Variants in ALOX5 observed in about 807,000 individuals in gnomAD.
ALOX5 encodes the protein arachidonate 5-lipoxygenase, also known as polyunsaturated fatty acid 5-lipoxygenase.
In ALOX5, 64 loss-of-function variants were observed where a neutral mutation model predicts 87.9. The observed-to-expected ratio is 0.73, with a 90% confidence interval of 0.60 to 0.90. The LOEUF is 0.90. ALOX5 is among the 40% of genes least tolerant of loss of function. ALOX5 has a pLI of 0.00. For synonymous variants in ALOX5, 388 were observed against 355.1 expected, an observed-to-expected ratio of 1.09 and a Z score of -1.04; for missense variants, 822 against 907.5, an observed-to-expected ratio of 0.91 and a Z score of 1.21.
At chr10:45,386,141 A>T (rs1840000744) in intron 2 of ALOX5, among the ~76,000 whole-genome samples, 1 of 152,090 alleles carries the variant, frequency 6.6e-6, no homozygotes, top group African/African-American at 2.4e-5. Flanking sequence ...CTCTACTAAA[A>T]ATACAAAAAA....
intron 4 of ALOX5, among the ~76,000 whole-genome samples, chr10:45,420,612 C>A (rs932052826): frequency 6.6e-6 from 1 of 152,234 alleles, no homozygotes; most frequent in African/African-American, 2.4e-5. Flanking sequence ...CCGAGGAGGC[C>A]TTCCCCGTTA....
chr10:45,384,319 G>T (rs887333142), intron 2 of ALOX5, among the ~76,000 whole-genome samples: 5 of 152,218 alleles, frequency 3.3e-5, no homozygotes, highest in Admixed American at 6.5e-5. Flanking sequence ...GACAGCACAG[G>T]TTGGAGGGTG....
At chr10:45,400,143 C>G (rs1840648736) in intron 3 of ALOX5, among the ~76,000 whole-genome samples, 1 of 152,084 alleles carries the variant, frequency 6.6e-6, no homozygotes, top group African/African-American at 2.4e-5. Flanking sequence ...AGGCCTCTAC[C>G]CAAGAATATT....
At chr10:45,418,848 GC>G (rs1257145105) in intron 4 of ALOX5, among the ~76,000 whole-genome samples, 1 of 152,266 alleles carries the variant, frequency 6.6e-6, no homozygotes, top group African/African-American at 2.4e-5. Flanking sequence ...GGGTGGCAGG[GC>G]TGAAAAGACA....
chr10:45,399,951 TA>T (rs1840641614), intron 3 of ALOX5, among the ~76,000 whole-genome samples: 1 of 152,200 alleles, frequency 6.6e-6, no homozygotes, highest in Admixed American at 6.5e-5. Context: ...GATACAATTC[TA>T]ACCACTAAAA....
intron 7 of ALOX5, among the ~76,000 whole-genome samples, chr10:45,436,817 G>T (rs894926833): frequency 6.6e-6 from 1 of 152,006 alleles, no homozygotes; most frequent in African/African-American, 2.4e-5. Flanking sequence ...TAGGAATTGT[G>T]TTGTATCTGT....
intron 2 of ALOX5, among the ~76,000 whole-genome samples, chr10:45,392,629 T>C (rs1041275482): frequency 6.6e-6 from 1 of 151,902 alleles, no homozygotes; most frequent in African/African-American, 2.4e-5. Context: ...CTTGTTTATC[T>C]GCTGACCTTC....
rs375478224 is a variant in ALOX5 at position 45,385,761 on chromosome 10, C to T, written c.349+3080C>T. On this transcript the variant is annotated intron_variant, in intron 2 of 13. Coordinates refer to ENST00000374391, the MANE Select transcript of ALOX5 (RefSeq NM_000698.5). ...CTCCCCTCCTGGCTGGCTTTACATC[C>T]CCAGGGGAGGATGCAGAGGTATCCC... Among the ~76,000 whole-genome samples, 13 of 152,288 alleles carry T rather than the reference C, an allele frequency of 8.5e-5. 2 individuals carry two copies. Among genetic ancestry groups the T allele is most frequent in the Admixed American group, 2.6e-4 (4 of 15,296 alleles).
At chr10:45,442,905 C>G (rs1158867662) in intron 9 of ALOX5, 133 bp from the exon 10 acceptor site, 10 of 911,906 alleles carry the variant, frequency 1.1e-5, no homozygotes, top group Non-Finnish European at 1.6e-5. Context: ...CATCCCTCCC[C>G]CATCTCACAG....
At chr10:45,389,126 G>A (rs1840109604) in intron 2 of ALOX5, among the ~76,000 whole-genome samples, 1 of 152,184 alleles carries the variant, frequency 6.6e-6, no homozygotes, top group African/African-American at 2.4e-5. Flanking sequence ...AATGAAGCGA[G>A]AAGATAAGTT....
intron 4 of ALOX5, among the ~76,000 whole-genome samples, chr10:45,413,420 T>C: frequency 6.6e-6 from 1 of 152,170 alleles, no homozygotes; most frequent in Non-Finnish European, 1.5e-5. Context: ...TCTCAATAAA[T>C]TAGGTATTGA....
In ALOX5 at chr10:45,418,250, G is replaced by A. The variant is rs193295875; in HGVS notation, c.555-5791G>A. ...AAGGAAGCAGCTTAGAGGAGCCTGT[G>A]TGGGGATGAGGGGTGCCTGGGAGAG... On this transcript the variant is annotated intron_variant, in intron 4 of 13. Coordinates refer to ENST00000374391, the MANE Select transcript of ALOX5 (RefSeq NM_000698.5). 7.6e-4 allele frequency among the ~76,000 whole-genome samples: 115 copies of A among 152,298 alleles called. 1 individual carries two copies. The East Asian group carries it at 0.017, about 22-fold the overall frequency.
At position 45,398,722 on chromosome 10, in the gene ALOX5, A is replaced by G. The variant is rs1430202866; in HGVS notation, c.431+2786A>G. On this transcript the variant is annotated intron_variant, in intron 3 of 13. Coordinates refer to ENST00000374391, the MANE Select transcript of ALOX5 (RefSeq NM_000698.5). ...GATCTGAATAGATATTTCTCCAAGG[A>G]CCCATTAGTCATCTAGGAAATGCAA... Among the ~76,000 whole-genome samples, 3 of 152,208 alleles carry G rather than the reference A, an allele frequency of 2.0e-5. No individual in the cohort carries two copies. The East Asian group carries it at 5.8e-4, about 29-fold the overall frequency.
chr10:45,385,522 C>G (rs1028111188), intron 2 of ALOX5, among the ~76,000 whole-genome samples: 1 of 152,220 alleles, frequency 6.6e-6, no homozygotes, highest in Non-Finnish European at 1.5e-5. Flanking sequence ...CTTTTTGAAA[C>G]TTGGCATGTT....
At chr10:45,430,615 T>C (rs976417224) in intron 7 of ALOX5, among the ~76,000 whole-genome samples, 4 of 151,536 alleles carry the variant, frequency 2.6e-5, no homozygotes, top group Non-Finnish European at 4.4e-5. Context: ...GAGCAACATA[T>C]CAAGACCCCG....
intron 6 of ALOX5, among the ~76,000 whole-genome samples, chr10:45,428,044 C>T (rs1841786099): frequency 6.6e-6 from 1 of 151,816 alleles, no homozygotes; most frequent in African/African-American, 2.4e-5. Flanking sequence ...CGCTCATTCC[C>T]GCCCCCGCAG....
intron 3 of ALOX5, among the ~76,000 whole-genome samples, chr10:45,407,524 G>A (rs1840927957): frequency 6.6e-6 from 1 of 152,164 alleles, no homozygotes; most frequent in Admixed American, 6.5e-5. Context: ...TTTCTCTGAA[G>A]GTGATTTTGA....
chr10:45,379,515 A>G (rs1839754150), intron 1 of ALOX5, among the ~76,000 whole-genome samples: 2 of 152,180 alleles, frequency 1.3e-5, no homozygotes, highest in African/African-American at 4.8e-5. Context: ...TTGAGGTCAC[A>G]GGTTCAGTTT....
chr10:45,443,340 C>T lies in ALOX5; in HGVS notation c.1452-76C>T, dbSNP rs570263742. ...GACGGGGTGGGGGAGTCCCAGCGTC[C>T]GTGAGGGGGTTGCCGCCGGGCACCG... On this transcript the variant is annotated intron_variant, in intron 10 of 13. Coordinates refer to ENST00000374391, the MANE Select transcript of ALOX5 (RefSeq NM_000698.5). 525 of 1,589,586 alleles carry T rather than the reference C, an allele frequency of 3.3e-4. 1 individual carries two copies. In the African/African-American group the frequency reaches 6.0e-3, roughly 18 times the overall value.
Sources: gnomAD v4.1 joint callset for allele counts (sites outside exome capture counted in the v4.1 genomes callset) on GRCh38, gnomAD v4.1.1 for gene constraint, MANE v1.5 for transcripts, NCBI Gene and HGNC (gene_info 2026-07-23, HGNC 2026-07-21) for gene names.